SPICE1: variants seen among roughly 807,000 people sequenced by gnomAD.
SPICE1 encodes the protein spindle and centriole-associated protein 1.
SPICE1 carries 75 observed loss-of-function variants against 102.7 expected under a neutral mutation model. The ratio of observed to expected loss-of-function variants is 0.73; its 90% CI spans 0.61 to 0.88. SPICE1 has a LOEUF of 0.88. Among genes scored for constraint, SPICE1 ranks in the 40% least tolerant of loss-of-function variants. SPICE1 has a pLI of 0.00. For synonymous variants in SPICE1, 308 were observed against 350.3 expected (o/e 0.88, Z 1.35); for missense variants, 979 against 1,020.1 (o/e 0.96, Z 0.55).
chr3:113,446,557 T>C, intron 17 of SPICE1, 32 bp downstream of exon 17: 1 of 1,523,984 alleles, frequency 6.6e-7, no homozygotes, highest in South Asian at 1.1e-5. Context: ...CTCACCCCTA[T>C]ATGCATTTCA....
intron 2 of SPICE1, among the ~76,000 whole-genome samples, chr3:113,504,077 G>C (rs1337223686): frequency 3.9e-5 from 6 of 152,010 alleles, no homozygotes; most frequent in Non-Finnish European, 1.5e-5. Context: ...AAAACAGTCA[G>C]TTAAATTAAA....
chr3:113,445,211 T>C lies in SPICE1; in HGVS notation c.*96A>G. On this transcript the variant is annotated 3_prime_UTR_variant, in exon 18 of 18. Transcript: ENST00000295872. ...TACTAATTCACAGGATCTTTGTAGG[T>C]TTTATCTGAAAGAAGGATATAAAAA... 1.1e-6 allele frequency: 1 copy of C among 938,554 alleles called. No homozygotes were observed. Among genetic ancestry groups the C allele is most frequent in the Non-Finnish European group, 1.6e-6 (1 of 608,766 alleles). The allele number at this position is 938,554 out of a possible 1,614,324, so 58.1% of individuals were successfully genotyped here.
chr3:113,498,744 A>G (rs6438160), intron 4 of SPICE1, among the ~76,000 whole-genome samples: 6 of 152,084 alleles, frequency 3.9e-5, no homozygotes, highest in African/African-American at 1.4e-4. Context: ...AAGCTTCAAT[A>G]TGAACAAGGA....
rs181324019 is a variant in SPICE1 at position 113,506,294 on chromosome 3, A to T, written c.99+213T>A. On this transcript the variant is annotated intron_variant, in intron 2 of 17. Coordinates refer to ENST00000295872, the MANE Select transcript of SPICE1 (RefSeq NM_144718.4). ...GATTCCAATTCTTCAGAGGATATAG[A>T]GGTTACAGCCTGGATGTGTGTATTC... Among the ~76,000 whole-genome samples the T allele has an allele frequency of 6.6e-5, 10 of 152,268 alleles. No homozygotes were observed. The East Asian group carries it at 9.6e-4, about 15-fold the overall frequency.
chr3:113,450,582 T>C, intron 14 of SPICE1, 66 bp from the exon 15 acceptor site: 3 of 1,326,998 alleles, frequency 2.3e-6, no homozygotes, highest in Non-Finnish European at 3.0e-6. Context: ...TCCCACGATT[T>C]TTTTTTTTTT....
intron 11 of SPICE1, among the ~76,000 whole-genome samples, chr3:113,464,353 C>G (rs1484515176): frequency 3.3e-5 from 5 of 150,612 alleles, no homozygotes; most frequent in African/African-American, 1.2e-4. Context: ...AACTCCTAGG[C>G]TCAAGTGATC....
rs1228790952 is a variant in SPICE1, at chr3:113,465,766, T to C, written c.1174A>G (p.Lys392Glu). Residue 392 changes from lysine (K) to glutamate (E), a missense_variant, in exon 11 of 18, where the codon AAA becomes GAA. Transcript: ENST00000295872. ...AGTTGTTGCCTTGTCTCTACTTCTT[T>C]ACGTAGCTGGATCTCACTCTACAAA... ...YLKESEIQLR[K>E]EVETRQQLEQ... The C allele has an allele frequency of 1.9e-6, 3 of 1,613,178 alleles. No individual in the cohort carries two copies. The highest frequency in any genetic ancestry group is 2.5e-6 in the Non-Finnish European group (3 of 1,179,746).
chr3:113,458,132 G>A (rs895454395), intron 12 of SPICE1, among the ~76,000 whole-genome samples: 10 of 151,776 alleles, frequency 6.6e-5, no homozygotes, highest in African/African-American at 1.9e-4. Flanking sequence ...TTTTCCACAG[G>A]CAATAACAAG....
Position 113,506,540 on chromosome 3 carries a change from CTTT to C in SPICE1, c.63_65del (p.Lys25del). 6.2e-7 allele frequency: 1 copy of C among 1,613,576 alleles called. No individual in the cohort carries two copies. The highest frequency in any genetic ancestry group is 8.5e-7 in the Non-Finnish European group (1 of 1,179,804). On this transcript the variant is annotated inframe_deletion, in exon 2 of 18. Transcript: ENST00000295872. Reference sequence around the variant, plus strand: ...CTTGTTTCACTGAAGTTTTCTTCTTCTTTACTTTCGGTGTCTTTCTTACACCAA... The same window carrying C: ...CTTGTTTCACTGAAGTTTTCTTCTTCACTTTCGGTGTCTTTCTTACACCAA...
chr3:113,452,500 A>G (rs955605066), intron 14 of SPICE1, among the ~76,000 whole-genome samples: 2 of 151,826 alleles, frequency 1.3e-5, no homozygotes, highest in African/African-American at 2.4e-5. Context: ...CCTGGCCAAC[A>G]TGGCGAAACC....
chr3:113,478,108 A>G (rs1055634670), intron 7 of SPICE1, among the ~76,000 whole-genome samples: 3 of 152,226 alleles, frequency 2.0e-5, no homozygotes, highest in Admixed American at 6.5e-5. Context: ...CTAAATACCA[A>G]AAGAAATTTT....
At chr3:113,485,164 G>A (rs1576639697) in intron 7 of SPICE1, among the ~76,000 whole-genome samples, 1 of 150,842 alleles carries the variant, frequency 6.6e-6, no homozygotes, top group Admixed American at 6.6e-5. Context: ...ACTAGCTGCA[G>A]GAGTTTTGTT....
At chr3:113,446,276 A>G (rs1180432021) in intron 17 of SPICE1, among the ~76,000 whole-genome samples, 1 of 152,154 alleles carries the variant, frequency 6.6e-6, no homozygotes, top group Admixed American at 6.5e-5. Context: ...CAGTAGATCT[A>G]CAACCCATTC....
At chr3:113,497,929 T>G (rs1576646381) in intron 4 of SPICE1, among the ~76,000 whole-genome samples, 1 of 149,818 alleles carries the variant, frequency 6.7e-6, no homozygotes, top group African/African-American at 2.5e-5. Context: ...CAGGCTGGAG[T>G]GCAATGGACC....
chr3:113,504,571 C>CAAAAAAAAAAAAAAAAAAA (rs71633321), intron 2 of SPICE1, among the ~76,000 whole-genome samples: 1 of 67,854 alleles, frequency 1.5e-5, no homozygotes, highest in Non-Finnish European at 2.9e-5. Flanking sequence ...GACCTTGTCT[C>CAAAAAAAAAAAAAAAAAAA]AAAAAAAAAA....
intron 14 of SPICE1, among the ~76,000 whole-genome samples, 161 bp from the exon 15 acceptor site, chr3:113,450,677 C>T (rs959762681): frequency 2.4e-4 from 37 of 151,636 alleles, no homozygotes; most frequent in African/African-American, 6.1e-4. Context: ...CCCGGGTTCA[C>T]GCCATTCTCC....
chr3:113,457,669 C>T (rs552575215), intron 12 of SPICE1, among the ~76,000 whole-genome samples: 1 of 152,132 alleles, frequency 6.6e-6, no homozygotes, highest in South Asian at 2.1e-4. Flanking sequence ...TCCATTTTTC[C>T]TTTTTTTCAC....
chr3:113,496,701 G>A (rs1412201606), intron 4 of SPICE1, among the ~76,000 whole-genome samples: 1 of 152,146 alleles, frequency 6.6e-6, no homozygotes, highest in African/African-American at 2.4e-5. Context: ...TCAGGTGGAT[G>A]GGTCCTGTTA....
At chr3:113,452,238 G>A (rs1438027538) in intron 14 of SPICE1, among the ~76,000 whole-genome samples, 5 of 152,128 alleles carry the variant, frequency 3.3e-5, no homozygotes, top group African/African-American at 9.7e-5. Flanking sequence ...TACTCAAAGC[G>A]TGGTCCTCAG....
Sources: allele counts gnomAD v4.1 joint callset (sites outside exome capture counted in the v4.1 genomes callset), GRCh38; gene constraint gnomAD v4.1.1; transcripts MANE v1.5; gene names NCBI Gene and HGNC (gene_info 2026-07-23, HGNC 2026-07-21).